The following TMED7 variants were observed in gnomAD, a reference collection of about 807,000 sequenced individuals.
TMED7 encodes transmembrane emp24 domain-containing protein 7.
TMED7 carries 8 observed loss-of-function variants against 23.4 expected under a neutral mutation model. The observed-to-expected ratio is 0.34, with a 90% CI of 0.20 to 0.62. TMED7 has a LOEUF of 0.62. TMED7 is among the 20% of genes least tolerant of loss of function. The probability of loss-of-function intolerance (pLI) is 0.77; values close to 1 mark genes in which losing one functional copy is unlikely to be tolerated. For synonymous variants in TMED7, 121 were observed against 108.5 expected (o/e 1.12, Z -0.72); for missense variants, 232 against 279.1 (o/e 0.83, Z 1.20).
In TMED7 at chr5:115,614,818, T is replaced by G. The variant is rs979484830; in HGVS notation, c.*1391A>C. The G allele has an allele frequency of 4.6e-5, 7 of 152,028 alleles. No homozygotes were observed. Among genetic ancestry groups the G allele is most frequent in the African/African-American group, 1.7e-4 (7 of 41,412 alleles). The allele number at this position is 152,028 out of a possible 1,614,324, so 9.4% of individuals were successfully genotyped here. A position where few individuals can be genotyped will look rare whatever the true frequency, so the allele number is the denominator to read the frequency against. On this transcript the variant is annotated 3_prime_UTR_variant, in exon 3 of 3. Coordinates refer to ENST00000456936, the MANE Select transcript of TMED7 (RefSeq NM_181836.6). Reference sequence around the variant, plus strand: ...ACTAGGATGGCTATCCAATCAGTATTCTATGGTATCACATACCAAAGTCTC... The same window carrying G: ...ACTAGGATGGCTATCCAATCAGTATGCTATGGTATCACATACCAAAGTCTC...
chr5:115,616,633 A>T (rs1756765930), intron 2 of TMED7, 188 bp from the exon 3 acceptor site: 1 of 826,968 alleles, frequency 1.2e-6, no homozygotes, highest in Admixed American at 2.8e-5. Flanking sequence ...CACTGGGACA[A>T]CTGTTAAGGC....
intron 1 of TMED7, among the ~76,000 whole-genome samples, chr5:115,623,924 G>A (rs1757117782): frequency 6.6e-6 from 1 of 152,204 alleles, no homozygotes; most frequent in African/African-American, 2.4e-5. Context: ...ACTTGGGACT[G>A]CGTTACTGAT....
rs1756712418 is a variant in TMED7 at position 115,615,880 on chromosome 5, TAAGAA to T, written c.*324_*328del. ...AAGTTTTTAAAATATCAACTACCTATAAGAAAAGTAGTCTTAAATGGTTAAAAGGA... is the reference window on the plus strand; with the variant it reads ...AAGTTTTTAAAATATCAACTACCTATAAGTAGTCTTAAATGGTTAAAAGGA... On this transcript the variant is annotated 3_prime_UTR_variant, in exon 3 of 3. Transcript: ENST00000456936. 3 of 283,776 alleles carry T rather than the reference TAAGAA, an allele frequency of 1.1e-5. No individual in the cohort carries two copies. Among genetic ancestry groups the T allele is most frequent in the Non-Finnish European group, 1.3e-5 (2 of 148,842 alleles). 17.6% of individuals were successfully genotyped at this position (283,776 alleles called of 1,614,324 possible).
At chr5:115,616,838 A>G (rs528455336) in intron 2 of TMED7, among the ~76,000 whole-genome samples, 2 of 152,376 alleles carry the variant, frequency 1.3e-5, no homozygotes, top group South Asian at 2.1e-4. Flanking sequence ...CAATGAGAAT[A>G]TAAGTCAAAG....
chr5:115,617,969 T>C (rs893298039), intron 2 of TMED7, among the ~76,000 whole-genome samples: 4 of 152,188 alleles, frequency 2.6e-5, no homozygotes, highest in African/African-American at 7.2e-5. Context: ...AATTTTTGTA[T>C]TTTTAGTAGA....
intron 1 of TMED7, among the ~76,000 whole-genome samples, 164 bp downstream of exon 1, chr5:115,625,437 G>A (rs1757166585): frequency 6.6e-6 from 1 of 152,168 alleles, no homozygotes; most frequent in South Asian, 2.1e-4. Flanking sequence ...TCTCACCCAA[G>A]GTTTATTAGA....
Position 115,625,858 on chromosome 5 carries a change from C to T in TMED7, c.-66G>A, listed in dbSNP as rs1757198114. The T allele has an allele frequency of 3.7e-6, 5 of 1,337,982 alleles. No homozygotes were observed. Among genetic ancestry groups the T allele is most frequent in the African/African-American group, 1.5e-5 (1 of 64,726 alleles). The allele number at this position is 1,337,982 out of a possible 1,614,324, so 82.9% of individuals were successfully genotyped here. The stretch of plus-strand genomic sequence containing the variant: ...CAGGGTCAGGTCTGCGCGGACTCAC[C>T]GCGCGCGGCAGGCCTCAGCGCAGGC... On this transcript the variant is annotated 5_prime_UTR_variant, in exon 1 of 3. Coordinates refer to ENST00000456936, the MANE Select transcript of TMED7 (RefSeq NM_181836.6).
chr5:115,615,957 G>A lies in TMED7; in HGVS notation c.*252C>T. On this transcript the variant is annotated 3_prime_UTR_variant, in exon 3 of 3. Transcript: ENST00000456936. ...GTGCGAAGAGTAGATATAAACAACT[G>A]CGAACAGAGTAGATCATTGGTGTTG... 2.0e-6 allele frequency: 1 copy of A among 490,984 alleles called. No individual in the cohort carries two copies. Among genetic ancestry groups the A allele is most frequent in the Non-Finnish European group, 3.7e-6 (1 of 273,768 alleles). The allele number at this position is 490,984 out of a possible 1,614,324, so 30.4% of individuals were successfully genotyped here.
At chr5:115,625,471 G>C in intron 1 of TMED7, 130 bp downstream of exon 1, 2 of 1,098,034 alleles carry the variant, frequency 1.8e-6, no homozygotes, top group Non-Finnish European at 2.4e-6. Flanking sequence ...CTGGGCATCA[G>C]CTACCTAGAA....
chr5:115,615,221 A>G lies in TMED7; in HGVS notation c.*988T>C, dbSNP rs1205929644. On this transcript the variant is annotated 3_prime_UTR_variant, in exon 3 of 3. Transcript: ENST00000456936. ...CAGAAATAAAATATGCACGACAAAAAAAAGAAAAAAGGAGAGCAACTAACT... is the reference window on the plus strand; with the variant it reads ...CAGAAATAAAATATGCACGACAAAAGAAAGAAAAAAGGAGAGCAACTAACT... The G allele has an allele frequency of 6.6e-6, 1 of 152,552 alleles. No homozygotes were observed. The highest frequency in any genetic ancestry group is 1.5e-5 in the Non-Finnish European group (1 of 67,978). The allele number at this position is 152,552 out of a possible 1,614,324, so 9.4% of individuals were successfully genotyped here. A position where few individuals can be genotyped will look rare whatever the true frequency, so the allele number is the denominator to read the frequency against.
chr5:115,617,099 T>C (rs1325783770), intron 2 of TMED7, among the ~76,000 whole-genome samples: 1 of 152,228 alleles, frequency 6.6e-6, no homozygotes, highest in Admixed American at 6.5e-5. Context: ...TCAGTTTCAC[T>C]GTGTAATCAA....
chr5:115,623,693 C>T (rs1442541109), intron 1 of TMED7, among the ~76,000 whole-genome samples: 1 of 152,214 alleles, frequency 6.6e-6, no homozygotes, highest in Non-Finnish European at 1.5e-5. Context: ...CTCTCCTCTG[C>T]CGCCTTGTAG....
In TMED7 at chr5:115,625,864, C is replaced by G. The variant is rs2112581890; in HGVS notation, c.-72G>C. The G allele has an allele frequency of 7.5e-7, 1 of 1,333,148 alleles. No homozygotes were observed. Among genetic ancestry groups the G allele is most frequent in the African/African-American group, 1.5e-5 (1 of 64,678 alleles). 82.6% of individuals were successfully genotyped at this position (1,333,148 alleles called of 1,614,324 possible). A position where few individuals can be genotyped will look rare whatever the true frequency, so the allele number is the denominator to read the frequency against. On this transcript the variant is annotated 5_prime_UTR_variant, in exon 1 of 3. Transcript: ENST00000456936. ...CAGGTCTGCGCGGACTCACCGCGCG[C>G]GGCAGGCCTCAGCGCAGGCCACCCC...
Position 115,613,546 on chromosome 5 carries a change from G to A in TMED7, c.*2663C>T, listed in dbSNP as rs1254238013. ...TTTATTCTACAAGAAATTGATAGGT[G>A]CAATCCTGTTAAAGAAATTTCTTTT... On this transcript the variant is annotated 3_prime_UTR_variant, in exon 3 of 3. Coordinates refer to ENST00000456936, the MANE Select transcript of TMED7 (RefSeq NM_181836.6). 1 of 152,010 alleles carries A rather than the reference G, an allele frequency of 6.6e-6. No homozygotes were observed. Among genetic ancestry groups the A allele is most frequent in the East Asian group, 1.9e-4 (1 of 5,198 alleles). The allele number at this position is 152,010 out of a possible 1,614,324, so 9.4% of individuals were successfully genotyped here.
In TMED7 at chr5:115,614,122, T is replaced by G. The variant is rs1043686028; in HGVS notation, c.*2087A>C. ...CTTAGCATTTATGTCTGGATAGGTA[T>G]GTATTTTCTAATTTACATACACATA... On this transcript the variant is annotated 3_prime_UTR_variant, in exon 3 of 3. Coordinates refer to ENST00000456936, the MANE Select transcript of TMED7 (RefSeq NM_181836.6). The G allele has an allele frequency of 2.0e-5, 3 of 150,402 alleles. No individual in the cohort carries two copies. The highest frequency in any genetic ancestry group is 6.6e-5 in the Admixed American group (1 of 15,066). 9.3% of individuals were successfully genotyped at this position (150,402 alleles called of 1,614,324 possible).
chr5:115,624,047 A>G (rs1378007041), intron 1 of TMED7, among the ~76,000 whole-genome samples: 2 of 152,210 alleles, frequency 1.3e-5, no homozygotes, highest in Non-Finnish European at 2.9e-5. Flanking sequence ...TCCTGAGAAC[A>G]TACCTGAAAT....
Position 115,615,826 on chromosome 5 carries a change from C to A in TMED7, c.*383G>T. 4.9e-6 allele frequency: 1 copy of A among 205,958 alleles called. No homozygotes were observed. The highest frequency in any genetic ancestry group is 1.0e-5 in the Non-Finnish European group (1 of 100,328). The allele number at this position is 205,958 out of a possible 1,614,324, so 12.8% of individuals were successfully genotyped here. ...TAACAATTAAAAGGCAATTTTCTTC[C>A]TCCCTAACACATGTAGACATTAAAT... On this transcript the variant is annotated 3_prime_UTR_variant, in exon 3 of 3. Transcript: ENST00000456936.
intron 1 of TMED7, among the ~76,000 whole-genome samples, chr5:115,623,660 A>G (rs908930068): frequency 1.3e-5 from 2 of 152,200 alleles, no homozygotes. Flanking sequence ...TGTCATGAAC[A>G]TATCTGCCTG....
rs562797117 is a variant in TMED7, at chr5:115,621,205, C to G, written c.193-525G>C. Among the ~76,000 whole-genome samples, 204 of 152,240 alleles carry G rather than the reference C, an allele frequency of 1.3e-3. 3 individuals are homozygous for G. In the South Asian group the frequency reaches 0.041, roughly 31 times the overall value. On this transcript the variant is annotated intron_variant, in intron 1 of 2. Transcript: ENST00000456936. ...GGTAGGCCAATCCTTAGGATTACAC[C>G]CCATTCATACTTCTATCATAGAACT...
Sources: gnomAD v4.1 joint callset for allele counts (sites outside exome capture counted in the v4.1 genomes callset) on GRCh38, gnomAD v4.1.1 for gene constraint, MANE v1.5 for transcripts, NCBI Gene and HGNC (gene_info 2026-07-23, HGNC 2026-07-21) for gene names.